Variants in MDH2 observed in about 807,000 individuals in gnomAD.
MDH2 encodes malate dehydrogenase 2, also known as malate dehydrogenase, mitochondrial.
A neutral mutation model predicts 33.6 loss-of-function variants in MDH2; 25 were observed. The observed-to-expected ratio is 0.74, with a 90% CI of 0.54 to 1.04. The LOEUF (loss-of-function observed/expected upper bound fraction) is 1.04, where lower values mean the gene tolerates loss of function less well. MDH2 is among the 50% of genes least tolerant of loss of function. MDH2 has a pLI of 0.00. For missense variants in MDH2, 432 were observed against 445.0 expected (o/e 0.97, Z 0.26); for synonymous variants, 193 against 188.7 (o/e 1.02, Z -0.19).
rs1554586309 is a variant in MDH2, at chr7:76,056,542, AAGGCTCC to A, written c.236-867_236-861del. Among the ~76,000 whole-genome samples, 11 of 152,348 alleles carry A rather than the reference AAGGCTCC, an allele frequency of 7.2e-5. No homozygotes were observed. In the East Asian group the frequency reaches 2.1e-3, roughly 29 times the overall value. ...TTTTGGGCTGTATATTCGGGTTAAGAAGGCTCCTGCATTAAGGAAAAAGTCAAGATCG... is the reference window on the plus strand; with the variant it reads ...TTTTGGGCTGTATATTCGGGTTAAGATGCATTAAGGAAAAAGTCAAGATCG... On this transcript the variant is annotated intron_variant, in intron 2 of 8. Coordinates refer to ENST00000315758, the MANE Select transcript of MDH2 (RefSeq NM_005918.4).
chr7:76,052,870 TC>T (rs1353136724), intron 1 of MDH2, among the ~76,000 whole-genome samples: 3 of 152,058 alleles, frequency 2.0e-5, no homozygotes, highest in African/African-American at 7.2e-5. Flanking sequence ...AGAGATGGAA[TC>T]TTGCTCTGTT....
chr7:76,064,411 G>A lies in MDH2; in HGVS notation c.706G>A (p.Glu236Lys), dbSNP rs267601571. The change falls in exon 7 of 9, where the codon GAG becomes AAG. Residue 236 changes from glutamate (E) to lysine (K), a missense_variant. Coordinates refer to ENST00000315758, the MANE Select transcript of MDH2 (RefSeq NM_005918.4). ...LTGRIQEAGT[E>K]VVKAKAGAGS... is the part of the protein sequence containing the mutation. ...TGGGCGGATCCAGGAGGCCGGCACGGAGGTGGTCAAGGCTAAAGCCGGAGC... is the reference window on the plus strand; with the variant it reads ...TGGGCGGATCCAGGAGGCCGGCACGAAGGTGGTCAAGGCTAAAGCCGGAGC... 3 of 1,613,640 alleles carry A rather than the reference G, an allele frequency of 1.9e-6. No homozygotes were observed. The highest frequency in any genetic ancestry group is 2.5e-6 in the Non-Finnish European group (3 of 1,179,898).
rs781941479 is a variant in MDH2, at chr7:76,066,328, A to C, written c.935A>C (p.Glu312Ala). The C allele has an allele frequency of 6.2e-7, 1 of 1,611,292 alleles. No individual in the cohort carries two copies. The highest frequency in any genetic ancestry group is 8.5e-7 in the Non-Finnish European group (1 of 1,179,196). The change falls in exon 9 of 9, where the codon GAG (glutamate) becomes GCG (alanine). Residue 312 changes from glutamate to alanine, a missense_variant. Glu to Ala is a moderately radical substitution (Grantham distance 107, BLOSUM62 -1). Coordinates refer to ENST00000315758, the MANE Select transcript of MDH2 (RefSeq NM_005918.4). ...NLGIGKVSSF[E>A]EKMISDAIPE... ...GGCATCGGCAAAGTCTCCTCTTTTG[A>C]GGAGAAGATGATCTCGGATGCCATC...
intron 2 of MDH2, among the ~76,000 whole-genome samples, chr7:76,055,396 C>T (rs911302761): frequency 5.3e-5 from 8 of 151,942 alleles, no homozygotes; most frequent in African/African-American, 1.5e-4. Context: ...GAAACCTCCC[C>T]GTCTGTGGAA....
intron 1 of MDH2, chr7:76,048,755 C>T: frequency 1.6e-6 from 2 of 1,229,996 alleles, no homozygotes. Flanking sequence ...CTGAAGACGG[C>T]TTCCTCTTAA....
chr7:76,048,133 G>A lies in MDH2; in HGVS notation c.-28G>A, dbSNP rs1554584409. On this transcript the variant is annotated 5_prime_UTR_variant, in exon 1 of 9. Coordinates refer to ENST00000315758, the MANE Select transcript of MDH2 (RefSeq NM_005918.4). ...TTCCCCGTCACCAGCTCCTGTGCCT[G>A]CCAGTCGGTGCCCCTCCCGCTCCAG... is the stretch of plus-strand genomic sequence containing the variant. 2 of 1,536,300 alleles carry A rather than the reference G, an allele frequency of 1.3e-6. No individual in the cohort carries two copies. The highest frequency in any genetic ancestry group is 1.7e-6 in the Non-Finnish European group (2 of 1,146,352).
At chr7:76,048,499 G>C in intron 1 of MDH2, 1 of 1,305,458 alleles carries the variant, frequency 7.7e-7, no homozygotes, top group Non-Finnish European at 9.8e-7. Context: ...CAGAGGACCT[G>C]CTCTTGGCTT....
At chr7:76,048,844 GACC>G (rs1797445989) in intron 1 of MDH2, 19 of 1,201,304 alleles carry the variant, frequency 1.6e-5, no homozygotes, top group Non-Finnish European at 2.0e-5. Context: ...CTTGGCCCGC[GACC>G]ACTTAAGCCT....
chr7:76,048,180 G>C lies in MDH2; in HGVS notation c.20G>C (p.Arg7Pro), dbSNP rs751504529. ...CCAGCCATGCTCTCCGCCCTCGCCC[G>C]GCCTGCCAGCGCTGCTCTCCGCCGC... MLSALA[R>P]PASAALRRSF... is the part of the protein sequence containing the mutation. The change falls in exon 1 of 9, where the codon CGG (arginine) becomes CCG (proline). Residue 7 changes from arginine (R) to proline (P), a missense_variant. By Grantham distance (103) the Arg-to-Pro change is moderately radical (BLOSUM62 -2). Transcript: ENST00000315758. 9.1e-6 allele frequency: 14 copies of C among 1,536,442 alleles called. No individual in the cohort carries two copies. The highest frequency in any genetic ancestry group is 1.4e-5 in the African/African-American group (1 of 73,026).
intron 1 of MDH2, chr7:76,048,454 ATT>A: frequency 8.6e-7 from 1 of 1,158,568 alleles, no homozygotes; most frequent in South Asian, 1.8e-5. Flanking sequence ...GGGCCGGTCC[ATT>A]TGTCAGGGTT....
chr7:76,066,026 G>A (rs1256130022), intron 8 of MDH2, among the ~76,000 whole-genome samples: 3 of 152,134 alleles, frequency 2.0e-5, no homozygotes, highest in African/African-American at 4.8e-5. Context: ...TGGAAGGTCA[G>A]TCATTGTCCA....
In MDH2 at chr7:76,057,616, C is replaced by G; in HGVS notation, c.319+123C>G. 6 of 957,920 alleles carry G rather than the reference C, an allele frequency of 6.3e-6. No individual in the cohort carries two copies. The East Asian group carries it at 1.3e-4, about 21-fold the overall frequency. The allele number at this position is 957,920 out of a possible 1,614,324, so 59.3% of individuals were successfully genotyped here. On this transcript the variant is annotated intron_variant, in intron 3 of 8. Transcript: ENST00000315758. ...TGTAGGAAAAATGTCACCAGCTCCC[C>G]TTTCCTGTGGGGTAAAGGTCACATC...
At position 76,058,029 on chromosome 7, in the gene MDH2, C is replaced by T; in HGVS notation, c.380C>T (p.Ala127Val). ...ACGATTGTGGCCACCCTGACCGCTG[C>T]CTGTGCCCAGCACTGCCCGGAAGCC... ...NATIVATLTA[A>V]CAQHCPEAMI... Residue 127 changes from alanine (A) to valine (V), a missense_variant, in exon 4 of 9, where the codon GCC becomes GTC. Physicochemically the swap from Ala to Val is moderately conservative, Grantham distance 64. Coordinates refer to ENST00000315758, the MANE Select transcript of MDH2 (RefSeq NM_005918.4). 1.2e-6 allele frequency: 2 copies of T among 1,613,928 alleles called. No individual in the cohort carries two copies. Among genetic ancestry groups the T allele is most frequent in the South Asian group, 2.2e-5 (2 of 91,090 alleles).
Position 76,049,193 on chromosome 7 carries a change from T to C in MDH2, c.66+967T>C, listed in dbSNP as rs1235304448. ...ATACAAATGCTCCTGGATTGATGGCTACTTCCCATACCCATCGCAAGTTGG... is the reference window on the plus strand; with the variant it reads ...ATACAAATGCTCCTGGATTGATGGCCACTTCCCATACCCATCGCAAGTTGG... On this transcript the variant is annotated intron_variant, in intron 1 of 8. Coordinates refer to ENST00000315758, the MANE Select transcript of MDH2 (RefSeq NM_005918.4). 5 of 799,548 alleles carry C rather than the reference T, an allele frequency of 6.3e-6. No homozygotes were observed. In the African/African-American group the frequency reaches 7.6e-5, roughly 12 times the overall value. 49.5% of individuals were successfully genotyped at this position (799,548 alleles called of 1,614,324 possible).
chr7:76,063,589 T>G lies in MDH2; in HGVS notation c.630T>G (p.Ser210=). ...GGAAGACCATCATCCCCCTGATCTC[T>G]CAGGTACACGCATATGACCCTGTGA... The part of the protein sequence containing the change: ...HAGKTIIPLI[S]QCTPKVDFPQ... The change falls in exon 6 of 9, where the codon TCT becomes TCG. Residue 210 remains serine, a synonymous_variant. Coordinates refer to ENST00000315758, the MANE Select transcript of MDH2 (RefSeq NM_005918.4). 1.2e-6 allele frequency: 2 copies of G among 1,613,886 alleles called. No individual in the cohort carries two copies. The highest frequency in any genetic ancestry group is 2.2e-5 in the East Asian group (1 of 44,884).
chr7:76,060,769 C>G (rs1173895541), intron 5 of MDH2, among the ~76,000 whole-genome samples: 2 of 151,992 alleles, frequency 1.3e-5, no homozygotes, highest in Non-Finnish European at 2.9e-5. Context: ...TGGGTTCACA[C>G]CTTCTTTGGG....
rs782223312 is a variant in MDH2, at chr7:76,058,483, CCTGAACCCTGTATATACCATGTGTATA to C, written c.429+430_429+456del. 3.5e-4 allele frequency among the ~76,000 whole-genome samples: 54 copies of C among 152,234 alleles called. 2 individuals are homozygous for C. Among genetic ancestry groups the C allele is most frequent in the African/African-American group, 1.1e-3 (45 of 41,544 alleles). ...CCAAGAGCCCAGTAGGTGCCTGAAC[CCTGAACCCTGTATATACCATGTGTATA>C]CTGAACCCTGTATATACCATGTGTT... On this transcript the variant is annotated intron_variant, in intron 4 of 8. Transcript: ENST00000315758.
chr7:76,057,701 G>A (rs1379517332), intron 3 of MDH2, among the ~76,000 whole-genome samples: 2 of 152,212 alleles, frequency 1.3e-5, no homozygotes, highest in South Asian at 2.1e-4. Context: ...GTGCACGGAC[G>A]CCCTTCCCTC....
chr7:76,048,381 G>A, intron 1 of MDH2, 155 bp downstream of exon 1: 1 of 1,220,618 alleles, frequency 8.2e-7, no homozygotes, highest in Admixed American at 3.0e-5. Flanking sequence ...GGCAGGCCCT[G>A]ACACTGGCCT....
Sources: gnomAD v4.1 joint callset for allele counts (sites outside exome capture counted in the v4.1 genomes callset) on GRCh38, gnomAD v4.1.1 for gene constraint, MANE v1.5 for transcripts, NCBI Gene and HGNC (gene_info 2026-07-23, HGNC 2026-07-21) for gene names.